The following LMOD1 variants were observed in gnomAD, a reference collection of about 807,000 sequenced individuals.
LMOD1 encodes leiomodin 1.
LMOD1 carries 8 observed loss-of-function variants against 36.5 expected under a neutral mutation model. The ratio of observed to expected loss-of-function variants is 0.22; its 90% CI spans 0.13 to 0.40. LMOD1 has a LOEUF of 0.40. Among genes scored for constraint, LMOD1 ranks in the 10% least tolerant of loss-of-function variants. LMOD1 has a pLI of 1.00. For missense variants in LMOD1, 630 were observed against 751.1 expected, an observed-to-expected ratio of 0.84 and a Z score of 1.88; for synonymous variants, 284 against 288.7, an observed-to-expected ratio of 0.98 and a Z score of 0.17.
rs11334173 is a variant in LMOD1, at chr1:201,931,535, C to CAA, written c.261+14543_261+14544dup. ...CCTGGGCGACATAATGAGACTCTGT[C>CAA]AAAAAAAAAAAAAAAAAAAGGGAGA... On this transcript the variant is annotated intron_variant, in intron 1 of 2. Coordinates refer to ENST00000367288, the MANE Select transcript of LMOD1 (RefSeq NM_012134.3). Among the ~76,000 whole-genome samples, 391 of 82,270 alleles carry CAA rather than the reference C, an allele frequency of 4.8e-3. 5 individuals carry two copies. The highest frequency in any genetic ancestry group is 0.043 in the Middle Eastern group (5 of 116). 54.0% of individuals were successfully genotyped at this position (82,270 alleles called of 152,430 possible). A position where few individuals can be genotyped will look rare whatever the true frequency, so the allele number is the denominator to read the frequency against.
intron 1 of LMOD1, among the ~76,000 whole-genome samples, chr1:201,943,454 CAGTG>C (rs953650676): frequency 6.6e-6 from 1 of 152,248 alleles, no homozygotes; most frequent in African/African-American, 2.4e-5. Context: ...AGGCCACCGT[CAGTG>C]AGGGCTGCAG....
At chr1:201,931,347 C>T (rs1400598547) in intron 1 of LMOD1, among the ~76,000 whole-genome samples, 2 of 152,118 alleles carry the variant, frequency 1.3e-5, no homozygotes, top group Non-Finnish European at 2.9e-5. Flanking sequence ...CCGGCCTGGC[C>T]AACATGGCGA....
chr1:201,917,065 G>A (rs970114160), intron 1 of LMOD1, among the ~76,000 whole-genome samples: 1 of 152,230 alleles, frequency 6.6e-6, no homozygotes, highest in Non-Finnish European at 1.5e-5. Context: ...TCTTTGTAGG[G>A]AAGGGGAGCA....
chr1:201,930,429 G>A (rs1681898041), intron 1 of LMOD1, among the ~76,000 whole-genome samples: 1 of 152,164 alleles, frequency 6.6e-6, no homozygotes, highest in South Asian at 2.1e-4. Flanking sequence ...CTATCACTAG[G>A]AAAGTCTGGA....
chr1:201,923,699 A>G lies in LMOD1; in HGVS notation c.261+22381T>C, dbSNP rs1681745173. Among the ~76,000 whole-genome samples the G allele has an allele frequency of 4.6e-5, 7 of 152,196 alleles. 1 individual carries two copies. The South Asian group carries it at 1.5e-3, about 32-fold the overall frequency. ...GGCAACATGGCAAAACCCCATCTCT[A>G]CTAAAAATACAAAACGTTAGCTGAA... On this transcript the variant is annotated intron_variant, in intron 1 of 2. Coordinates refer to ENST00000367288, the MANE Select transcript of LMOD1 (RefSeq NM_012134.3).
At chr1:201,925,418 G>A (rs1681813119) in intron 1 of LMOD1, among the ~76,000 whole-genome samples, 1 of 152,164 alleles carries the variant, frequency 6.6e-6, no homozygotes, top group South Asian at 2.1e-4. Flanking sequence ...ATTGCGCATG[G>A]ATGAGCTGGG....
intron 1 of LMOD1, among the ~76,000 whole-genome samples, chr1:201,929,511 A>G (rs981353531): frequency 6.6e-6 from 1 of 152,264 alleles, no homozygotes; most frequent in Admixed American, 6.5e-5. Context: ...TATCCCAACA[A>G]TTCAGACCTC....
intron 1 of LMOD1, among the ~76,000 whole-genome samples, chr1:201,917,883 C>A (rs1202303062): frequency 3.3e-5 from 5 of 152,166 alleles, no homozygotes; most frequent in Admixed American, 2.0e-4. Context: ...TTCATACAGC[C>A]CCTCTCCTGT....
In LMOD1 at chr1:201,899,900, G is replaced by A. The variant is rs772006489; in HGVS notation, c.1113C>T (p.Ala371=). 32 of 1,613,742 alleles carry A rather than the reference G, an allele frequency of 2.0e-5. No individual in the cohort carries two copies. In the African/African-American group the frequency reaches 2.0e-4, roughly 10 times the overall value. ...VKLFALANTR[A]DDHVAFAIAI... ...CAATGGCAAAGGCCACGTGGTCATC[G>A]GCTCGCGTGTTGGCCAAGGCGAACA... The change falls in exon 2 of 3, where the codon GCC becomes GCT. Residue 371 remains alanine (A), a synonymous_variant. Coordinates refer to ENST00000367288, the MANE Select transcript of LMOD1 (RefSeq NM_012134.3). The surrounding 1 kb of genome is among the most constrained non-coding windows in gnomAD (Gnocchi z 6.3).
rs1682132916 is a variant in LMOD1, at chr1:201,942,402, G to GAC, written c.261+3677_261+3678insGT. ...CCTGGAAGACTACCTGGAGGAAGTG[G>GAC]TACCTGAGACAGGCAGAACAAATAG... On this transcript the variant is annotated intron_variant, in intron 1 of 2. Coordinates refer to ENST00000367288, the MANE Select transcript of LMOD1 (RefSeq NM_012134.3). Among the ~76,000 whole-genome samples, 6 of 152,352 alleles carry GAC rather than the reference G, an allele frequency of 3.9e-5. No homozygotes were observed. In the South Asian group the frequency reaches 1.0e-3, roughly 26 times the overall value.
rs578254707 is a variant in LMOD1, at chr1:201,915,909, A to G, written c.262-15158T>C. Reference sequence around the variant, plus strand: ...AGGCCAGACCCATCCGAAGCCTTTCAGTGTCTAATGTCTGAACTTTTTTTT... The same window carrying G: ...AGGCCAGACCCATCCGAAGCCTTTCGGTGTCTAATGTCTGAACTTTTTTTT... On this transcript the variant is annotated intron_variant, in intron 1 of 2. Coordinates refer to ENST00000367288, the MANE Select transcript of LMOD1 (RefSeq NM_012134.3). Among the ~76,000 whole-genome samples the G allele has an allele frequency of 3.9e-5, 6 of 151,992 alleles. No homozygotes were observed. The East Asian group carries it at 5.8e-4, about 15-fold the overall frequency.
At chr1:201,939,080 C>T (rs2102931221) in intron 1 of LMOD1, among the ~76,000 whole-genome samples, 1 of 152,160 alleles carries the variant, frequency 6.6e-6, no homozygotes, top group African/African-American at 2.4e-5. Context: ...GCCCTGCCTC[C>T]CTGCTTTCCT....
chr1:201,938,338 A>G (rs558521439), intron 1 of LMOD1, among the ~76,000 whole-genome samples: 4 of 152,244 alleles, frequency 2.6e-5, no homozygotes, highest in Admixed American at 1.3e-4. Flanking sequence ...TATGGTAGTC[A>G]GGCTGGTCTC....
At chr1:201,922,903 C>T (rs946682963) in intron 1 of LMOD1, among the ~76,000 whole-genome samples, 1 of 151,988 alleles carries the variant, frequency 6.6e-6, no homozygotes, top group African/African-American at 2.4e-5. Context: ...CGGCTCACTG[C>T]AACCTTCGCT....
chr1:201,901,580 A>ATG (rs1681315482), intron 1 of LMOD1, among the ~76,000 whole-genome samples: 1 of 18,204 alleles, frequency 5.5e-5, no homozygotes, highest in Non-Finnish European at 1.2e-4. Context: ...ATATATATAT[A>ATG]TATACATATA....
rs150077570 is a variant in LMOD1 at position 201,929,555 on chromosome 1, T to C, written c.261+16525A>G. On this transcript the variant is annotated intron_variant, in intron 1 of 2. Coordinates refer to ENST00000367288, the MANE Select transcript of LMOD1 (RefSeq NM_012134.3). The stretch of plus-strand genomic sequence containing the variant: ...AATTTTAGACTGATTTAATTGGTTA[T>C]TTTTAAAAAGAGGATAAAAAAGGAT... 1.3e-3 allele frequency among the ~76,000 whole-genome samples: 203 copies of C among 152,348 alleles called. 3 individuals carry two copies. Among genetic ancestry groups the C allele is most frequent in the African/African-American group, 4.4e-3 (181 of 41,590 alleles).
chr1:201,919,687 A>T (rs1395855494), intron 1 of LMOD1, among the ~76,000 whole-genome samples: 4 of 152,208 alleles, frequency 2.6e-5, no homozygotes, highest in African/African-American at 9.6e-5. Context: ...TAAGCCTGCC[A>T]TTCCAGCCTG....
At chr1:201,930,895 G>A (rs953020236) in intron 1 of LMOD1, among the ~76,000 whole-genome samples, 6 of 152,324 alleles carry the variant, frequency 3.9e-5, no homozygotes, top group African/African-American at 1.2e-4. Flanking sequence ...TGACAGAGTG[G>A]TTAAATTCCA....
At chr1:201,933,765 T>C (rs1023748252) in intron 1 of LMOD1, among the ~76,000 whole-genome samples, 2 of 151,714 alleles carry the variant, frequency 1.3e-5, no homozygotes, top group Admixed American at 6.6e-5. Context: ...CACACTTTTG[T>C]GCACATTTCT....
Sources: gnomAD v4.1 joint callset for allele counts (sites outside exome capture counted in the v4.1 genomes callset) on GRCh38, gnomAD v4.1.1 for gene constraint, Gnocchi (gnomAD v3.1) non-coding constraint, MANE v1.5 for transcripts, NCBI Gene and HGNC (gene_info 2026-07-23, HGNC 2026-07-21) for gene names.